MED26: variants seen among roughly 807,000 people sequenced by gnomAD.
MED26 encodes the protein mediator complex subunit 26.
In MED26, 7 loss-of-function variants were observed where a neutral mutation model predicts 43.7. That is an observed-to-expected ratio of 0.16 (90% CI 0.09 to 0.30). The LOEUF is 0.30. MED26 is among the 10% of genes least tolerant of loss of function. The pLI is 1.00. For synonymous variants in MED26, 375 were observed against 371.1 expected (o/e 1.01, Z -0.12); for missense variants, 784 against 840.6 (o/e 0.93, Z 0.83).
chr19:16,619,538 C>G (rs1163490880), intron 1 of MED26, among the ~76,000 whole-genome samples: 1 of 152,202 alleles, frequency 6.6e-6, no homozygotes, highest in African/African-American at 2.4e-5. Flanking sequence ...GCCCAGAGAG[C>G]CAATGTGACC....
chr19:16,586,714 C>T lies in MED26; in HGVS notation c.73-8305G>A, dbSNP rs1159144027. 6.6e-6 allele frequency among the ~76,000 whole-genome samples: 1 copy of T among 152,200 alleles called. No homozygotes were observed. Among genetic ancestry groups the T allele is most frequent in the South Asian group, 2.1e-4 (1 of 4,832 alleles). On this transcript the variant is annotated intron_variant, in intron 1 of 2. Coordinates refer to ENST00000263390, the MANE Select transcript of MED26 (RefSeq NM_004831.5). This position sits in a 1 kb window ranked among gnomAD's most constrained non-coding sequence, Gnocchi z 5.1. ...CACAGACTGCAGTTCTGCACTCCCC[C>T]ACCTCGGTGTCCGGCCAGCCTTCCT...
At chr19:16,579,103 A>AAAC (rs1555698644) in intron 1 of MED26, among the ~76,000 whole-genome samples, 2 of 151,866 alleles carry the variant, frequency 1.3e-5, no homozygotes, top group African/African-American at 4.8e-5. Context: ...TCCGTGTAAA[A>AAAC]AATAATAATA....
intron 1 of MED26, among the ~76,000 whole-genome samples, chr19:16,609,461 G>T (rs2086189716): frequency 6.6e-6 from 1 of 151,968 alleles, no homozygotes; most frequent in Non-Finnish European, 1.5e-5. Context: ...TGACAACAGT[G>T]TTGTATATTT....
chr19:16,607,177 A>G (rs1251679026), intron 1 of MED26, among the ~76,000 whole-genome samples: 1 of 151,488 alleles, frequency 6.6e-6, no homozygotes, highest in Non-Finnish European at 1.5e-5. Context: ...CCCTGTCTCT[A>G]AAAAATAAAT....
At chr19:16,580,843 T>C (rs770467162) in intron 1 of MED26, among the ~76,000 whole-genome samples, 4 of 152,130 alleles carry the variant, frequency 2.6e-5, no homozygotes, top group Non-Finnish European at 5.9e-5. Flanking sequence ...CCAGCCAGGA[T>C]AGGTGCCATC....
At chr19:16,606,168 CCAG>C (rs1297482254) in intron 1 of MED26, among the ~76,000 whole-genome samples, 1 of 152,176 alleles carries the variant, frequency 6.6e-6, no homozygotes, top group Non-Finnish European at 1.5e-5. Flanking sequence ...GGCCCTGTGG[CCAG>C]CAGGAGAGGC....
Position 16,575,808 on chromosome 19 carries a change from C to T in MED26, c.*219G>A, listed in dbSNP as rs569326281. 18 of 571,780 alleles carry T rather than the reference C, an allele frequency of 3.1e-5. No individual in the cohort carries two copies. The highest frequency in any genetic ancestry group is 1.1e-4 in the South Asian group (5 of 44,968). 35.4% of individuals were successfully genotyped at this position (571,780 alleles called of 1,614,324 possible). A position where few individuals can be genotyped will look rare whatever the true frequency, so the allele number is the denominator to read the frequency against. On this transcript the variant is annotated 3_prime_UTR_variant, in exon 3 of 3. Transcript: ENST00000263390. ...TCCTTCCTTCCACGCGGTCCTTCTTCGCAATTTTGTTAGTAAACTGGTAGC... is the reference window on the plus strand; with the variant it reads ...TCCTTCCTTCCACGCGGTCCTTCTTTGCAATTTTGTTAGTAAACTGGTAGC...
At position 16,576,715 on chromosome 19, in the gene MED26, A is replaced by T. The variant is rs751455338; in HGVS notation, c.1115T>A (p.Phe372Tyr). 1.9e-6 allele frequency: 3 copies of T among 1,612,654 alleles called. No homozygotes were observed. Among genetic ancestry groups the T allele is most frequent in the African/African-American group, 1.3e-5 (1 of 74,932 alleles). The stretch of plus-strand genomic sequence containing the variant: ...GTCCGCCTTGGAGGAGTCTGGGGAA[A>T]AGCCTGCCCGGGACAGGAGGGGCTC... ...PAEPLLSRAG[F>Y]SPDSSKADSD... Residue 372 changes from phenylalanine to tyrosine, a missense_variant, in exon 3 of 3, where the codon TTT (phenylalanine) becomes TAT (tyrosine). Physicochemically the swap from Phe to Tyr is conservative, Grantham distance 22. Around this residue, in one of 3 missense-constraint regions of MED26, gnomAD observed 719 missense variants for 730.9 expected, o/e 0.98. Coordinates refer to ENST00000263390, the MANE Select transcript of MED26 (RefSeq NM_004831.5). This position sits in a 1 kb window ranked among gnomAD's most constrained non-coding sequence, Gnocchi z 6.8.
At chr19:16,593,199 T>C (rs2086105835) in intron 1 of MED26, among the ~76,000 whole-genome samples, 1 of 152,130 alleles carries the variant, frequency 6.6e-6, no homozygotes, top group African/African-American at 2.4e-5. Flanking sequence ...TCACTGCATA[T>C]TTCATCGGCA....
At chr19:16,598,713 AC>A (rs1470173540) in intron 1 of MED26, among the ~76,000 whole-genome samples, 6 of 152,056 alleles carry the variant, frequency 3.9e-5, no homozygotes, top group Non-Finnish European at 7.4e-5. Context: ...AGGTCCACAG[AC>A]CCTGGGCCAC....
chr19:16,604,121 G>A (rs954663955), intron 1 of MED26, among the ~76,000 whole-genome samples: 2 of 152,250 alleles, frequency 1.3e-5, no homozygotes, highest in Non-Finnish European at 2.9e-5. Flanking sequence ...AGCAGGGAAT[G>A]CTATGCTGCA....
rs1254728777 is a variant in MED26, at chr19:16,576,447, C to T, written c.1383G>A (p.Lys461=). 6.2e-7 allele frequency: 1 copy of T among 1,614,178 alleles called. No individual in the cohort carries two copies. Among genetic ancestry groups the T allele is most frequent in the Admixed American group, 1.7e-5 (1 of 60,024 alleles). The change falls in exon 3 of 3, where the codon AAG becomes AAA. Residue 461 remains lysine, a synonymous_variant. Transcript: ENST00000263390. The surrounding 1 kb of genome is among the most constrained non-coding windows in gnomAD (Gnocchi z 6.8). Reference sequence around the variant, plus strand: ...TCTGGAGGCTGGCCTTGGCCTCCTGCTTGTCCAGCTCTGTCCTGGACTGCT... The same window carrying T: ...TCTGGAGGCTGGCCTTGGCCTCCTGTTTGTCCAGCTCTGTCCTGGACTGCT... ...MEQQSRTELD[K]QEAKASLQSP...
intron 1 of MED26, among the ~76,000 whole-genome samples, chr19:16,606,925 G>A (rs552308890): frequency 2.0e-5 from 3 of 152,358 alleles, no homozygotes; most frequent in South Asian, 4.1e-4. Context: ...CTCTCCCTGT[G>A]TTGGTCAGTC....
chr19:16,626,646 T>A (rs964091080), intron 1 of MED26, among the ~76,000 whole-genome samples: 1 of 152,144 alleles, frequency 6.6e-6, no homozygotes, highest in Non-Finnish European at 1.5e-5. Context: ...AGCATATTGC[T>A]AAGAGTAATC....
chr19:16,594,181 T>G (rs1026633332), intron 1 of MED26, among the ~76,000 whole-genome samples: 1 of 152,254 alleles, frequency 6.6e-6, no homozygotes, highest in Non-Finnish European at 1.5e-5. Context: ...GGAAGCTTGC[T>G]GGTAGAAGCC....
intron 1 of MED26, among the ~76,000 whole-genome samples, chr19:16,597,890 T>C (rs2086129490): frequency 1.3e-5 from 2 of 151,902 alleles, no homozygotes; most frequent in Non-Finnish European, 2.9e-5. Context: ...GCCCGGCTAA[T>C]TTTTTTGTAT....
intron 1 of MED26, among the ~76,000 whole-genome samples, chr19:16,609,941 TAAAA>T (rs869040520): frequency 2.0e-4 from 17 of 84,670 alleles, no homozygotes; most frequent in South Asian, 3.7e-4. Flanking sequence ...AAGCACTCTT[TAAAA>T]AAAAAAAAAA....
At chr19:16,578,283 A>C in intron 2 of MED26, 52 bp downstream of exon 2, 8 of 1,543,266 alleles carry the variant, frequency 5.2e-6, no homozygotes, top group Non-Finnish European at 7.2e-6. Flanking sequence ...GGTTGGTACC[A>C]TCCCCTGCCC....
At chr19:16,601,341 G>A (rs1380890978) in intron 1 of MED26, among the ~76,000 whole-genome samples, 1 of 152,034 alleles carries the variant, frequency 6.6e-6, no homozygotes, top group African/African-American at 2.4e-5. Flanking sequence ...TTTTAGTAGA[G>A]ACAGGGTTTC....
Sources: gnomAD v4.1 joint callset for allele counts (sites outside exome capture counted in the v4.1 genomes callset) on GRCh38, gnomAD v4.1.1 for gene constraint, gnomAD v4.1.1 regional missense constraint, Gnocchi (gnomAD v3.1) non-coding constraint, MANE v1.5 for transcripts, NCBI Gene and HGNC (gene_info 2026-07-23, HGNC 2026-07-21) for gene names.